PDE10A: variants seen among roughly 807,000 people sequenced by gnomAD.
PDE10A encodes the protein cAMP and cAMP-inhibited cGMP 3',5'-cyclic phosphodiesterase 10A.
PDE10A carries 39 observed loss-of-function variants against 97.7 expected under a neutral mutation model. The ratio of observed to expected loss-of-function variants is 0.40; its 90% CI spans 0.31 to 0.52. The LOEUF (loss-of-function observed/expected upper bound fraction) is 0.52. PDE10A is among the 20% of genes least tolerant of loss of function. The pLI is 0.56. For synonymous variants in PDE10A, 371 were observed against 376.8 expected (o/e 0.98, Z 0.18); for missense variants, 731 against 1,047.8 (o/e 0.70, Z 4.17).
intron 1 of PDE10A, among the ~76,000 whole-genome samples, chr6:165,809,134 A>T (rs889278117): frequency 1.3e-5 from 2 of 152,206 alleles, no homozygotes; most frequent in Non-Finnish European, 2.9e-5. Context: ...GGTAGCAGAG[A>T]ACCACGTTCT....
intron 1 of PDE10A, among the ~76,000 whole-genome samples, chr6:165,732,269 C>T (rs987312876): frequency 6.6e-6 from 1 of 152,192 alleles, no homozygotes; most frequent in African/African-American, 2.4e-5. Flanking sequence ...ATAACCTGGC[C>T]GTCTTTCACC....
intron 1 of PDE10A, among the ~76,000 whole-genome samples, chr6:165,650,311 G>A (rs769913259): frequency 5.9e-5 from 9 of 152,190 alleles, no homozygotes; most frequent in Non-Finnish European, 8.8e-5. Context: ...TGTATAAAAC[G>A]GGGTAACACT....
chr6:165,961,280 G>A (rs552458106), intron 1 of PDE10A, among the ~76,000 whole-genome samples: 44 of 152,208 alleles, frequency 2.9e-4, no homozygotes, highest in Non-Finnish European at 5.6e-4. Flanking sequence ...CTTGCTTCAA[G>A]TCCTCGTGCT....
intron 2 of PDE10A, among the ~76,000 whole-genome samples, chr6:165,524,451 G>T (rs1036393773): frequency 1.3e-5 from 2 of 152,126 alleles, no homozygotes; most frequent in Non-Finnish European, 2.9e-5. Context: ...AAATACATTT[G>T]ACACTCCTGA....
intron 1 of PDE10A, among the ~76,000 whole-genome samples, chr6:165,650,158 A>G (rs1361686258): frequency 1.3e-5 from 2 of 152,248 alleles, no homozygotes; most frequent in African/African-American, 4.8e-5. Context: ...GAGGAAGACC[A>G]TAAAAACATG....
chr6:165,823,949 A>T (rs1431299654), intron 1 of PDE10A, among the ~76,000 whole-genome samples: 1 of 152,218 alleles, frequency 6.6e-6, no homozygotes, highest in Non-Finnish European at 1.5e-5. Context: ...ACAGAGGGCA[A>T]TACTTTTTAT....
At position 165,793,434 on chromosome 6, in the gene PDE10A, G is replaced by A. The variant is rs989773116; in HGVS notation, c.-615+194095C>T. On this transcript the variant is annotated intron_variant, in intron 1 of 19. Coordinates refer to the PDE10A transcript ENST00000366882. ...GTTTTGCCAAGCAGAGGGCATTCTG[G>A]ACAGTGGGAGAGCCTGCGAGTCCTC... is the stretch of plus-strand genomic sequence containing the variant. Among the ~76,000 whole-genome samples the A allele has an allele frequency of 2.0e-5, 3 of 151,982 alleles. No homozygotes were observed. In the East Asian group the frequency reaches 5.8e-4, roughly 29 times the overall value.
chr6:165,339,483 AC>A, intron 19 of PDE10A, 125 bp from the exon 20 acceptor site: 4 of 661,374 alleles, frequency 6.0e-6, no homozygotes, highest in Admixed American at 2.6e-5. Flanking sequence ...GTGGTTGTTA[AC>A]CCAAGAAAAG....
At chr6:165,348,471 C>A (rs1474007434) in intron 18 of PDE10A, among the ~76,000 whole-genome samples, 2 of 152,198 alleles carry the variant, frequency 1.3e-5, no homozygotes, top group Non-Finnish European at 2.9e-5. Context: ...AATAATTCTA[C>A]TTTTGCCTAC....
chr6:165,485,491 A>G (rs1385438225), intron 2 of PDE10A, among the ~76,000 whole-genome samples: 1 of 151,050 alleles, frequency 6.6e-6, no homozygotes, highest in African/African-American at 2.4e-5. Context: ...AAAAAAGACA[A>G]GTCTTTGGAG....
At chr6:165,411,104 A>G (rs1270156345) in intron 13 of PDE10A, among the ~76,000 whole-genome samples, 1 of 148,864 alleles carries the variant, frequency 6.7e-6, no homozygotes, top group Non-Finnish European at 1.5e-5. Context: ...AAAAAAAAAA[A>G]AAAAAGAAAT....
chr6:165,585,407 A>G (rs1398063265), intron 1 of PDE10A, among the ~76,000 whole-genome samples: 1 of 152,226 alleles, frequency 6.6e-6, no homozygotes, highest in Admixed American at 6.5e-5. Context: ...AGACATGATT[A>G]GCAGTCACAG....
chr6:165,523,732 T>C (rs559458030), intron 2 of PDE10A, among the ~76,000 whole-genome samples: 1 of 152,170 alleles, frequency 6.6e-6, no homozygotes, highest in African/African-American at 2.4e-5. Flanking sequence ...GACTCAGTTT[T>C]CAAAAGTAAT....
Position 165,674,873 on chromosome 6 carries a change from T to TTTG in PDE10A, c.-614-131308_-614-131306dup, listed in dbSNP as rs542605606. ...TCCCCAGTTCTTAAAGCTGGAAGTT[T>TTTG]TTGTTGTTGTTGTTGTTTTCTGAGT... is the stretch of plus-strand genomic sequence containing the variant. On this transcript the variant is annotated intron_variant, in intron 1 of 19. Coordinates refer to the PDE10A transcript ENST00000366882. Among the ~76,000 whole-genome samples, 763 of 152,294 alleles carry TTTG rather than the reference T, an allele frequency of 5.0e-3. 5 individuals carry two copies. The highest frequency in any genetic ancestry group is 0.031 in the Middle Eastern group (9 of 294).
At chr6:165,935,389 C>A (rs542026499) in intron 1 of PDE10A, among the ~76,000 whole-genome samples, 1 of 152,276 alleles carries the variant, frequency 6.6e-6, no homozygotes, top group Admixed American at 6.5e-5. Context: ...GCACTGAGGA[C>A]CTTGACTTTG....
At chr6:165,422,388 C>CACGCATACACACAT (rs375803287) in intron 10 of PDE10A, among the ~76,000 whole-genome samples, 2 of 148,846 alleles carry the variant, frequency 1.3e-5, no homozygotes, top group Non-Finnish European at 3.0e-5. Flanking sequence ...GGCATACACA[C>CACGCATACACACAT]ACGCATACAC....
At chr6:165,770,163 CA>C (rs11442419) in intron 1 of PDE10A, among the ~76,000 whole-genome samples, 144 of 127,860 alleles carry the variant, frequency 1.1e-3, no homozygotes, top group Middle Eastern at 8.0e-3. Context: ...TGCAAAAGGG[CA>C]AAAAAAAAAA....
At chr6:165,428,433 C>G (rs1344255165) in intron 10 of PDE10A, among the ~76,000 whole-genome samples, 2 of 152,024 alleles carry the variant, frequency 1.3e-5, no homozygotes, top group African/African-American at 4.8e-5. Flanking sequence ...CTAAGTATAG[C>G]TCTCCATTAA....
intron 21 of PDE10A, among the ~76,000 whole-genome samples, chr6:165,333,864 T>G (rs755647907): frequency 6.6e-6 from 1 of 152,204 alleles, no homozygotes; most frequent in South Asian, 2.1e-4. Context: ...CACATTCCTG[T>G]GTGAAGTCAC....
Sources: gnomAD v4.1 joint callset for allele counts (sites outside exome capture counted in the v4.1 genomes callset) on GRCh38, gnomAD v4.1.1 for gene constraint, MANE v1.5 for transcripts, NCBI Gene and HGNC (gene_info 2026-07-23, HGNC 2026-07-21) for gene names.